GRM7: variants seen among roughly 807,000 people sequenced by gnomAD.
GRM7 encodes the protein metabotropic glutamate receptor 7.
GRM7 carries 35 observed loss-of-function variants against 84.5 expected under a neutral mutation model. That is an observed-to-expected ratio of 0.41 (90% confidence interval 0.32 to 0.55). GRM7 has a LOEUF of 0.55. Ranked by LOEUF, GRM7 falls within the 20% of genes least tolerant of loss-of-function variation. GRM7 has a pLI of 0.19. For synonymous variants in GRM7, 487 were observed against 455.1 expected (o/e 1.07, Z -0.89); for missense variants, 1,003 against 1,194.6 (o/e 0.84, Z 2.36).
At chr3:7,261,986 A>C (rs536701903) in intron 2 of GRM7, among the ~76,000 whole-genome samples, 104 of 134,024 alleles carry the variant, frequency 7.8e-4, no homozygotes, top group African/African-American at 2.8e-3. Flanking sequence ...TTCTTTCCTG[A>C]ATATAGGCCC....
At chr3:7,500,211 T>C (rs546775333) in intron 7 of GRM7, among the ~76,000 whole-genome samples, 29 of 152,352 alleles carry the variant, frequency 1.9e-4, no homozygotes, top group Admixed American at 7.2e-4. Context: ...TCTTGTCTCT[T>C]TGGTTTTTAG....
chr3:7,218,442 C>T (rs1169812523), intron 2 of GRM7, among the ~76,000 whole-genome samples: 1 of 151,440 alleles, frequency 6.6e-6, no homozygotes, highest in Middle Eastern at 3.2e-3. Flanking sequence ...ATTTTTATTT[C>T]TAATTTTTTA....
At chr3:7,088,183 C>A (rs1185410580) in intron 1 of GRM7, among the ~76,000 whole-genome samples, 1 of 152,008 alleles carries the variant, frequency 6.6e-6, no homozygotes, top group Non-Finnish European at 1.5e-5. Flanking sequence ...GCTTCAGTAC[C>A]TTTTCTCCAT....
At chr3:7,651,852 G>C (rs1328952402) in intron 8 of GRM7, among the ~76,000 whole-genome samples, 1 of 152,170 alleles carries the variant, frequency 6.6e-6, no homozygotes, top group Non-Finnish European at 1.5e-5. Context: ...AAAGATTGGA[G>C]GTGGGGAGTG....
chr3:6,954,473 C>T (rs1692936365), intron 1 of GRM7, among the ~76,000 whole-genome samples: 1 of 152,190 alleles, frequency 6.6e-6, no homozygotes, highest in Admixed American at 6.5e-5. Flanking sequence ...CACCTTCTGA[C>T]ATATCCCTAA....
At chr3:6,919,811 T>G (rs958789072) in intron 1 of GRM7, among the ~76,000 whole-genome samples, 5 of 152,172 alleles carry the variant, frequency 3.3e-5, no homozygotes, top group African/African-American at 1.2e-4. Context: ...GAAATTAGGA[T>G]TTGACTAAAA....
intron 1 of GRM7, among the ~76,000 whole-genome samples, chr3:7,122,926 G>A (rs528529522): frequency 1.0e-5 from 1 of 98,112 alleles, no homozygotes; most frequent in East Asian, 2.4e-4. Context: ...ATATCAGGGT[G>A]GGAACAACCT....
intron 1 of GRM7, among the ~76,000 whole-genome samples, chr3:6,992,644 T>C (rs1415272876): frequency 1.3e-5 from 2 of 151,996 alleles, no homozygotes; most frequent in African/African-American, 2.4e-5. Flanking sequence ...AAAGAGGAAA[T>C]AGTGTGACTG....
intron 1 of GRM7, among the ~76,000 whole-genome samples, chr3:7,110,784 G>A (rs567855367): frequency 6.6e-6 from 1 of 152,150 alleles, no homozygotes; most frequent in South Asian, 2.1e-4. Flanking sequence ...GGTCTGGGAG[G>A]GGAGAAGAAT....
chr3:7,030,320 T>A lies in GRM7; in HGVS notation c.520-116132T>A, dbSNP rs1319410671. Reference sequence around the variant, plus strand: ...TGTGTCAGAAGGTTGCAGGAAATGATGACATAAGACATGGTGGGTTGTGAG... The same window carrying A: ...TGTGTCAGAAGGTTGCAGGAAATGAAGACATAAGACATGGTGGGTTGTGAG... On this transcript the variant is annotated intron_variant, in intron 1 of 9. Coordinates refer to ENST00000357716, the MANE Select transcript of GRM7 (RefSeq NM_000844.4). Among the ~76,000 whole-genome samples, 10 of 152,314 alleles carry A rather than the reference T, an allele frequency of 6.6e-5. No individual in the cohort carries two copies. The East Asian group carries it at 1.4e-3, about 21-fold the overall frequency.
chr3:7,516,476 C>CAAAAAAAAAAAAAAAAAAAAAAA (rs34508559), intron 7 of GRM7, among the ~76,000 whole-genome samples: 2 of 42,470 alleles, frequency 4.7e-5, no homozygotes, highest in Non-Finnish European at 8.9e-5. Flanking sequence ...GACTCCCTCT[C>CAAAAAAAAAAAAAAAAAAAAAAA]AAAAAAAAAA....
At chr3:7,278,497 G>A (rs1373999193) in intron 2 of GRM7, among the ~76,000 whole-genome samples, 1 of 151,904 alleles carries the variant, frequency 6.6e-6, no homozygotes, top group African/African-American at 2.4e-5. Context: ...AGACTATCTT[G>A]TTTCCTTTCT....
chr3:7,397,241 C>T (rs1406979069), intron 4 of GRM7, among the ~76,000 whole-genome samples: 2 of 152,156 alleles, frequency 1.3e-5, no homozygotes, highest in African/African-American at 2.4e-5. Context: ...GTCATCCAGA[C>T]ATCTTAATAC....
Position 7,359,222 on chromosome 3 carries a change from G to GTT in GRM7, c.1033+52571_1033+52572insTT, listed in dbSNP as rs1163057304. Among the ~76,000 whole-genome samples the GTT allele has an allele frequency of 4.6e-4, 26 of 56,240 alleles. 1 individual carries two copies. The highest frequency in any genetic ancestry group is 1.4e-3 in the African/African-American group (26 of 18,916). 36.9% of individuals were successfully genotyped at this position (56,240 alleles called of 152,430 possible). Reference sequence around the variant, plus strand: ...ACCATTTGGTAGGGTGTTTGTGTTTGTGTGTGTGTGTGTGTGTGTGTGTGT... The same window carrying GTT: ...ACCATTTGGTAGGGTGTTTGTGTTTGTTTGTGTGTGTGTGTGTGTGTGTGTGT... On this transcript the variant is annotated intron_variant, in intron 4 of 9. Coordinates refer to ENST00000357716, the MANE Select transcript of GRM7 (RefSeq NM_000844.4).
chr3:7,283,023 T>C (rs1559551361), intron 2 of GRM7, among the ~76,000 whole-genome samples: 2 of 152,200 alleles, frequency 1.3e-5, no homozygotes, highest in African/African-American at 2.4e-5. Context: ...ATTACTCTTC[T>C]ATTTCAGTTC....
At chr3:7,598,858 T>C (rs906819960) in intron 8 of GRM7, among the ~76,000 whole-genome samples, 1 of 152,152 alleles carries the variant, frequency 6.6e-6, no homozygotes, top group African/African-American at 2.4e-5. Context: ...CATTGATGAC[T>C]TGACACATGA....
chr3:7,112,966 G>A (rs1356329431), intron 1 of GRM7, among the ~76,000 whole-genome samples: 1 of 152,108 alleles, frequency 6.6e-6, no homozygotes, highest in African/African-American at 2.4e-5. Context: ...AGTTGGTTCA[G>A]GTTAGACAGC....
intron 7 of GRM7, among the ~76,000 whole-genome samples, chr3:7,574,256 T>C (rs1189274818): frequency 1.4e-5 from 2 of 147,660 alleles, no homozygotes; most frequent in Non-Finnish European, 3.0e-5. Context: ...GCCTCCCGGG[T>C]TCAAGCAATT....
chr3:7,547,974 A>C, intron 7 of GRM7, among the ~76,000 whole-genome samples: 1 of 152,196 alleles, frequency 6.6e-6, no homozygotes. Flanking sequence ...AAGCCCAAAA[A>C]AGGCAGAGTG....
Sources: gnomAD v4.1 joint callset for allele counts (sites outside exome capture counted in the v4.1 genomes callset) on GRCh38, gnomAD v4.1.1 for gene constraint, MANE v1.5 for transcripts, NCBI Gene and HGNC (gene_info 2026-07-23, HGNC 2026-07-21) for gene names.